Variants in PCDH7 observed in about 807,000 individuals in gnomAD.
PCDH7 encodes the protein protocadherin-7.
A neutral mutation model predicts 58.9 loss-of-function variants in PCDH7; 17 were observed. The ratio of observed to expected loss-of-function variants is 0.29; its 90% CI spans 0.20 to 0.43. PCDH7 has a LOEUF of 0.43. PCDH7 is among the 20% of genes least tolerant of loss of function. The probability of loss-of-function intolerance (pLI) is 1.00; values close to 1 mark genes in which losing one functional copy is unlikely to be tolerated. For synonymous variants in PCDH7, 664 were observed against 616.4 expected, an observed-to-expected ratio of 1.08 and a Z score of -1.14; for missense variants, 1,274 against 1,441.0, an observed-to-expected ratio of 0.88 and a Z score of 1.88.
At chr4:31,069,868 C>CACTTGATGG (rs879870496) in intron 3 of PCDH7, among the ~76,000 whole-genome samples, 1 of 151,228 alleles carries the variant, frequency 6.6e-6, no homozygotes, top group African/African-American at 2.4e-5. Context: ...CTCAAATTTT[C>CACTTGATGG]TCCACTTGAT....
intron 3 of PCDH7, among the ~76,000 whole-genome samples, chr4:31,111,757 C>G (rs758666030): frequency 6.6e-6 from 1 of 152,178 alleles, no homozygotes; most frequent in Non-Finnish European, 1.5e-5. Context: ...GTAACTAACT[C>G]GAAACCTCTG....
At chr4:30,834,907 A>G (rs1357503357) in intron 1 of PCDH7, among the ~76,000 whole-genome samples, 1 of 150,028 alleles carries the variant, frequency 6.7e-6, no homozygotes, top group Non-Finnish European at 1.5e-5. Context: ...TTGGTGTTAT[A>G]TATATATATA....
chr4:31,032,668 A>AGGGAGGG (rs1755042581), intron 3 of PCDH7, among the ~76,000 whole-genome samples: 2 of 71,174 alleles, frequency 2.8e-5, no homozygotes, highest in African/African-American at 5.0e-5. Context: ...GGAAGGAAGG[A>AGGGAGGG]AGGGAGGGAG....
intron 3 of PCDH7, among the ~76,000 whole-genome samples, chr4:31,133,783 A>G (rs1274723739): frequency 6.6e-6 from 1 of 152,162 alleles, no homozygotes; most frequent in Non-Finnish European, 1.5e-5. Context: ...ACTGCTTGAG[A>G]TGTGGCGTAC....
intron 3 of PCDH7, among the ~76,000 whole-genome samples, chr4:31,028,635 G>A (rs897232727): frequency 3.5e-5 from 5 of 144,662 alleles, no homozygotes; most frequent in African/African-American, 1.1e-4. Context: ...TCCAGCCTAA[G>A]CACCAGAACA....
chr4:31,069,682 CCTAT>C (rs1758383202), intron 3 of PCDH7, among the ~76,000 whole-genome samples: 2 of 151,856 alleles, frequency 1.3e-5, no homozygotes, highest in Admixed American at 6.6e-5. Context: ...AAAGTTGAAG[CCTAT>C]CTATGAATGA....
At chr4:30,878,748 G>A (rs1233655849) in intron 1 of PCDH7, among the ~76,000 whole-genome samples, 29 of 152,114 alleles carry the variant, frequency 1.9e-4, no homozygotes. Flanking sequence ...TACTCTGGAG[G>A]CTGAGGCAGG....
intron 1 of PCDH7, among the ~76,000 whole-genome samples, chr4:30,753,174 A>G (rs1718797212): frequency 1.3e-5 from 2 of 152,226 alleles, no homozygotes; most frequent in South Asian, 4.1e-4. Context: ...TAATGGGCCT[A>G]TGAAAGACAA....
At chr4:31,054,133 T>C (rs1756964007) in intron 3 of PCDH7, among the ~76,000 whole-genome samples, 2 of 152,024 alleles carry the variant, frequency 1.3e-5, no homozygotes, top group Admixed American at 1.3e-4. Flanking sequence ...GCCCAGCCAA[T>C]TTTTGTGTTT....
At chr4:31,082,214 C>A (rs1711581526) in intron 3 of PCDH7, among the ~76,000 whole-genome samples, 1 of 152,226 alleles carries the variant, frequency 6.6e-6, no homozygotes, top group African/African-American at 2.4e-5. Flanking sequence ...AGTGAATCCA[C>A]ATGCTTTCTA....
At chr4:31,032,153 A>G (rs186936069) in intron 3 of PCDH7, among the ~76,000 whole-genome samples, 4 of 152,344 alleles carry the variant, frequency 2.6e-5, no homozygotes, top group East Asian at 1.9e-4. Context: ...GAAACTTTTT[A>G]TCAGATGATA....
intron 3 of PCDH7, among the ~76,000 whole-genome samples, chr4:31,108,690 G>A (rs1715906236): frequency 6.6e-6 from 1 of 152,120 alleles, no homozygotes; most frequent in South Asian, 2.1e-4. Context: ...TAAAGCAACT[G>A]TGCAATACAT....
At chr4:30,725,250 C>G (rs1425977204) in intron 1 of PCDH7, 2 of 991,730 alleles carry the variant, frequency 2.0e-6, no homozygotes, top group Non-Finnish European at 2.4e-6. Flanking sequence ...AATTAGTGTT[C>G]TATAATGATA....
In PCDH7 at chr4:30,724,603, T is replaced by G. The variant is rs775571510; in HGVS notation, c.3174+7T>G. 31 of 1,613,242 alleles carry G rather than the reference T, an allele frequency of 1.9e-5. No homozygotes were observed. Among genetic ancestry groups the G allele is most frequent in the Admixed American group, 1.0e-4 (6 of 59,962 alleles). Reference sequence around the variant, plus strand: ...TAACAAGTACAGCAAACAGGTAAGATGTATCCCAAATATATTTAAATATCC... The same window carrying G: ...TAACAAGTACAGCAAACAGGTAAGAGGTATCCCAAATATATTTAAATATCC... On this transcript the variant is annotated splice_region_variant and intron_variant, in intron 1 of 1. Transcript: ENST00000361762.
intron 3 of PCDH7, among the ~76,000 whole-genome samples, chr4:31,038,585 A>G (rs969238729): frequency 5.3e-5 from 8 of 152,084 alleles, no homozygotes; most frequent in Non-Finnish European, 8.8e-5. Context: ...ATTATTTTAT[A>G]TTTTTCATTT....
At chr4:31,071,908 A>G (rs1758572424) in intron 3 of PCDH7, among the ~76,000 whole-genome samples, 1 of 152,090 alleles carries the variant, frequency 6.6e-6, no homozygotes, top group African/African-American at 2.4e-5. Context: ...TGAGAACACT[A>G]TTTAGTTGCT....
chr4:31,145,476 C>T (rs1720616784), downstream of PCDH7: 1 of 151,206 alleles, frequency 6.6e-6, no homozygotes, highest in East Asian at 1.9e-4. Context: ...TAAAAAGAAA[C>T]AAAAAAAATA....
At chr4:30,922,071 G>A (rs1743245469) in intron 2 of PCDH7, among the ~76,000 whole-genome samples, 1 of 151,612 alleles carries the variant, frequency 6.6e-6, no homozygotes, top group Non-Finnish European at 1.5e-5. Flanking sequence ...TTGCATGTAT[G>A]TAGTCACATG....
chr4:30,968,391 T>C (rs1248976429), intron 3 of PCDH7, among the ~76,000 whole-genome samples: 19,542 of 80,524 alleles, frequency 0.24, 3,381 homozygotes, highest in African/African-American at 0.39. Flanking sequence ...TATATATATA[T>C]ATATATATAT....
Sources: gnomAD v4.1 joint callset for allele counts (sites outside exome capture counted in the v4.1 genomes callset) on GRCh38, gnomAD v4.1.1 for gene constraint, MANE v1.5 for transcripts, NCBI Gene and HGNC (gene_info 2026-07-23, HGNC 2026-07-21) for gene names.